THRSP: variants seen among roughly 807,000 people sequenced by gnomAD.
The protein encoded by THRSP is thyroid hormone responsive.
Under a neutral mutation model 11.1 loss-of-function variants are expected in THRSP, and 9 were observed. That is an observed-to-expected ratio of 0.81 (90% CI 0.49 to 1.42). The LOEUF is 1.42. Ranked by LOEUF, THRSP falls within the 40% of genes most tolerant of loss-of-function variation. The pLI is 0.00. For synonymous variants in THRSP, 73 were observed against 78.1 expected (o/e 0.94, Z 0.34); for missense variants, 177 against 188.2 (o/e 0.94, Z 0.35).
In THRSP at chr11:78,064,077, A is replaced by G; in HGVS notation, c.196A>G (p.Ile66Val). Reference protein sequence around the residue: ...LYTYFTMLKAICVDVDHGLLP... With the variant: ...LYTYFTMLKAVCVDVDHGLLP... The stretch of plus-strand genomic sequence containing the variant: ...CACCTACTTCACCATGCTCAAGGCC[A>G]TCTGTGTGGATGTGGACCATGGGCT... The change falls in exon 1 of 2, where the codon ATC becomes GTC. Residue 66 changes from isoleucine (I) to valine (V), a missense_variant. Transcript: ENST00000281030. 6.2e-7 allele frequency: 1 copy of G among 1,614,190 alleles called. No homozygotes were observed. The highest frequency in any genetic ancestry group is 8.5e-7 in the Non-Finnish European group (1 of 1,180,036).
Position 78,064,134 on chromosome 11 carries a change from G to A in THRSP, c.253G>A (p.Ala85Thr). The change falls in exon 1 of 2, where the codon GCA (alanine) becomes ACA (threonine). Residue 85 changes from alanine to threonine, a missense_variant. Coordinates refer to ENST00000281030, the MANE Select transcript of THRSP (RefSeq NM_003251.4). ...GCGGGAGGAGTGGCAGGCCAAGGTG[G>A]CAGGCAGCGAAGAGAATGGAACCGC... ...LPREEWQAKVAGSEENGTAET... is the reference protein window; with the variant it reads ...LPREEWQAKVTGSEENGTAET... 1.2e-6 allele frequency: 2 copies of A among 1,614,164 alleles called. No homozygotes were observed. Among genetic ancestry groups the A allele is most frequent in the Non-Finnish European group, 1.7e-6 (2 of 1,180,028 alleles).
chr11:78,066,246 C>CAAGA (rs1858735422), intron 1 of THRSP, among the ~76,000 whole-genome samples: 1 of 152,184 alleles, frequency 6.6e-6, no homozygotes, highest in Non-Finnish European at 1.5e-5. Context: ...CAGCTCACTG[C>CAAGA]CACCTCCACC....
chr11:78,066,431 C>A (rs1858744158), intron 1 of THRSP, among the ~76,000 whole-genome samples: 1 of 152,250 alleles, frequency 6.6e-6, no homozygotes. Context: ...TCCCGAAGTG[C>A]TGGGATTACA....
chr11:78,065,987 C>T (rs1399955956), intron 1 of THRSP, among the ~76,000 whole-genome samples: 4 of 152,192 alleles, frequency 2.6e-5, no homozygotes, highest in Non-Finnish European at 4.4e-5. Context: ...GTGTCAACAG[C>T]TCTGGGTTCA....
At chr11:78,067,155 C>G (rs633966) in intron 1 of THRSP, among the ~76,000 whole-genome samples, 104,583 of 144,058 alleles carry the variant, frequency 0.73, 38,473 homozygotes, top group African/African-American at 0.85. Context: ...GAGTCTTGCT[C>G]TTGTCACCCA....
chr11:78,066,545 A>C (rs1048572428), intron 1 of THRSP, among the ~76,000 whole-genome samples: 2 of 152,224 alleles, frequency 1.3e-5, no homozygotes, highest in African/African-American at 4.8e-5. Flanking sequence ...ATAACAGCCA[A>C]GATGTGAACC....
intron 1 of THRSP, 24 bp from the exon 2 acceptor site, chr11:78,067,635 T>C (rs1254561937): frequency 3.9e-5 from 6 of 152,232 alleles, no homozygotes; most frequent in African/African-American, 1.2e-4. Flanking sequence ...GACTTGGCCT[T>C]TTAAAAATTT....
At chr11:78,064,379 G>C in intron 1 of THRSP, 38 bp downstream of exon 1, 1 of 1,531,724 alleles carries the variant, frequency 6.5e-7, no homozygotes, top group Admixed American at 2.0e-5. Context: ...AGTCTACAAA[G>C]GGACATTCCA....
Position 78,063,983 on chromosome 11 carries a change from C to A in THRSP, c.102C>A (p.Pro34=). The part of the protein sequence containing the change: ...VHNMEQVVMI[P]SLLRDVQLSG... The stretch of plus-strand genomic sequence containing the variant: ...ACATGGAGCAGGTGGTGATGATCCC[C>A]AGCCTTCTGCGGGACGTGCAGCTGA... Residue 34 remains proline (P), a synonymous_variant, in exon 1 of 2, where the codon CCC becomes CCA. Coordinates refer to ENST00000281030, the MANE Select transcript of THRSP (RefSeq NM_003251.4). 6.2e-7 allele frequency: 1 copy of A among 1,614,118 alleles called. No homozygotes were observed. The highest frequency in any genetic ancestry group is 8.5e-7 in the Non-Finnish European group (1 of 1,180,008).
chr11:78,064,360 G>A lies in THRSP; in HGVS notation c.*19+19G>A. 1 of 1,565,212 alleles carries A rather than the reference G, an allele frequency of 6.4e-7. No individual in the cohort carries two copies. Among genetic ancestry groups the A allele is most frequent in the Non-Finnish European group, 8.7e-7 (1 of 1,153,204 alleles). On this transcript the variant is annotated intron_variant, in intron 1 of 1. Transcript: ENST00000281030. ...AGGGAAGGTAATGGTGGCCATGCTG[G>A]TGGGTGTGAGTCTACAAAGGGACAT...
chr11:78,067,698 C>T lies in THRSP; in HGVS notation c.*59C>T, dbSNP rs552669494. On this transcript the variant is annotated 3_prime_UTR_variant, in exon 2 of 2. Coordinates refer to ENST00000281030, the MANE Select transcript of THRSP (RefSeq NM_003251.4). ...TAGAAGACAGACTCTTTGATGAGGT[C>T]GGCGGAGCAGTTCACTAGCCAATGA... 1.3e-5 allele frequency: 2 copies of T among 152,210 alleles called. No individual in the cohort carries two copies. The highest frequency in any genetic ancestry group is 2.9e-5 in the Non-Finnish European group (2 of 68,048). The allele number at this position is 152,210 out of a possible 1,614,324, so 9.4% of individuals were successfully genotyped here. A position where few individuals can be genotyped will look rare whatever the true frequency, so the allele number is the denominator to read the frequency against.
chr11:78,066,657 G>A (rs978860904), intron 1 of THRSP, among the ~76,000 whole-genome samples: 1 of 152,072 alleles, frequency 6.6e-6, no homozygotes, highest in Non-Finnish European at 1.5e-5. Context: ...TGGCAGAGTG[G>A]GTAGAAACCA....
intron 1 of THRSP, 39 bp downstream of exon 1, chr11:78,064,380 G>A: frequency 6.6e-7 from 1 of 1,521,730 alleles, no homozygotes; most frequent in Non-Finnish European, 8.9e-7. Flanking sequence ...GTCTACAAAG[G>A]GACATTCCAG....
intron 1 of THRSP, among the ~76,000 whole-genome samples, chr11:78,066,337 T>A (rs558112031): frequency 6.8e-4 from 103 of 152,196 alleles, no homozygotes; most frequent in East Asian, 4.6e-3. Context: ...CTAATTTTTT[T>A]AAAATCTTTA....
intron 1 of THRSP, among the ~76,000 whole-genome samples, chr11:78,067,350 G>C (rs1389036112): frequency 6.7e-6 from 1 of 149,476 alleles, no homozygotes; most frequent in Non-Finnish European, 1.5e-5. Context: ...TCGAACTCCT[G>C]ACCTCAAATG....
At chr11:78,065,095 A>G (rs1367370937) in intron 1 of THRSP, among the ~76,000 whole-genome samples, 1 of 152,088 alleles carries the variant, frequency 6.6e-6, no homozygotes, top group Non-Finnish European at 1.5e-5. Flanking sequence ...GTCACAGAAC[A>G]TGGAAAATTA....
chr11:78,066,223 C>T (rs1043878659), intron 1 of THRSP, among the ~76,000 whole-genome samples: 1 of 152,292 alleles, frequency 6.6e-6, no homozygotes, highest in Non-Finnish European at 1.5e-5. Context: ...GGTTGGAGTG[C>T]AATGTGCAAT....
In THRSP at chr11:78,064,106, G is replaced by T; in HGVS notation, c.225G>T (p.Leu75=). The T allele has an allele frequency of 6.2e-7, 1 of 1,614,184 alleles. No homozygotes were observed. Among genetic ancestry groups the T allele is most frequent in the Non-Finnish European group, 8.5e-7 (1 of 1,180,024 alleles). The change falls in exon 1 of 2, where the codon CTG becomes CTT. Residue 75 remains leucine, a synonymous_variant. Coordinates refer to ENST00000281030, the MANE Select transcript of THRSP (RefSeq NM_003251.4). The stretch of plus-strand genomic sequence containing the variant: ...GTGTGGATGTGGACCATGGGCTGCT[G>T]CCGCGGGAGGAGTGGCAGGCCAAGG... ...AICVDVDHGL[L]PREEWQAKVA...
In THRSP at chr11:78,064,174, T is replaced by C. The variant is rs1858662115; in HGVS notation, c.293T>C (p.Val98Ala). 3 of 1,613,864 alleles carry C rather than the reference T, an allele frequency of 1.9e-6. No individual in the cohort carries two copies. The highest frequency in any genetic ancestry group is 2.5e-6 in the Non-Finnish European group (3 of 1,179,932). Residue 98 changes from valine to alanine, a missense_variant, in exon 1 of 2, where the codon GTC becomes GCC. Coordinates refer to ENST00000281030, the MANE Select transcript of THRSP (RefSeq NM_003251.4). ...EENGTAETEEVEDESASGELD... is the reference protein window; with the variant it reads ...EENGTAETEEAEDESASGELD... ...AATGGAACCGCAGAGACAGAGGAAGTCGAGGACGAGAGTGCCTCAGGAGAG... is the reference window on the plus strand; with the variant it reads ...AATGGAACCGCAGAGACAGAGGAAGCCGAGGACGAGAGTGCCTCAGGAGAG...
Sources: gnomAD v4.1 joint callset for allele counts (sites outside exome capture counted in the v4.1 genomes callset) on GRCh38, gnomAD v4.1.1 for gene constraint, MANE v1.5 for transcripts, NCBI Gene and HGNC (gene_info 2026-07-23, HGNC 2026-07-21) for gene names.